Variants in SORL1 observed in about 807,000 individuals in gnomAD.
SORL1 encodes the protein sortilin related receptor 1.
SORL1 carries 127 observed loss-of-function variants against 273.7 expected under a neutral mutation model. That is an observed-to-expected ratio of 0.46 (90% CI 0.40 to 0.54). SORL1 has a LOEUF of 0.54. Ranked by LOEUF, SORL1 falls within the 20% of genes least tolerant of loss-of-function variation. The pLI, the probability that SORL1 is intolerant of heterozygous loss-of-function variation, is 0.00. For missense variants in SORL1, 2,494 were observed against 2,846.1 expected (o/e 0.88, Z 2.81); for synonymous variants, 1,031 against 1,067.4 (o/e 0.97, Z 0.66).
chr11:121,524,963 C>T (rs1291317791), intron 11 of SORL1, among the ~76,000 whole-genome samples: 1 of 151,594 alleles, frequency 6.6e-6, no homozygotes, highest in African/African-American at 2.4e-5. Context: ...TAGCTTTTTT[C>T]TGTAACAAAT....
rs1297072035 is a variant in SORL1 at position 121,611,118 on chromosome 11, A to G, written c.5282A>G (p.Asn1761Ser). ...PDIHIDSYGE[N>S]YLSFTLTMES... Reference sequence around the variant, plus strand: ...ATCCACATTGACAGCTATGGTGAAAATTATCTAAGCTTCACCCTGACCATG... The same window carrying G: ...ATCCACATTGACAGCTATGGTGAAAGTTATCTAAGCTTCACCCTGACCATG... Residue 1761 changes from asparagine to serine, a missense_variant, in exon 39 of 48, where the codon AAT becomes AGT. Asn to Ser is a conservative substitution (Grantham distance 46). Coordinates refer to ENST00000260197, the MANE Select transcript of SORL1 (RefSeq NM_003105.6). 1.9e-6 allele frequency: 3 copies of G among 1,613,758 alleles called. No individual in the cohort carries two copies. The highest frequency in any genetic ancestry group is 2.5e-6 in the Non-Finnish European group (3 of 1,179,662).
intron 1 of SORL1, among the ~76,000 whole-genome samples, chr11:121,455,696 A>T (rs1215710688): frequency 6.6e-6 from 1 of 152,246 alleles, no homozygotes; most frequent in African/African-American, 2.4e-5. Context: ...TTGCTGGCAG[A>T]TATCAGGACT....
chr11:121,581,054 A>G (rs1025091203), intron 25 of SORL1, among the ~76,000 whole-genome samples: 3 of 151,938 alleles, frequency 2.0e-5, no homozygotes, highest in African/African-American at 7.3e-5. Context: ...CTGGGACTAC[A>G]GATGTGTGCC....
At chr11:121,507,462 C>CT (rs1235915413) in intron 6 of SORL1, among the ~76,000 whole-genome samples, 4 of 151,830 alleles carry the variant, frequency 2.6e-5, no homozygotes, top group Non-Finnish European at 4.4e-5. Flanking sequence ...TTTTAACATT[C>CT]TTTTTTTTGT....
chr11:121,474,823 A>G (rs1001760126), intron 2 of SORL1, among the ~76,000 whole-genome samples: 3 of 152,268 alleles, frequency 2.0e-5, no homozygotes, highest in African/African-American at 4.8e-5. Context: ...GGGTGGAGCC[A>G]CCAATCCGCT....
chr11:121,606,123 G>A (rs750465470), intron 35 of SORL1, among the ~76,000 whole-genome samples: 32 of 152,100 alleles, frequency 2.1e-4, no homozygotes, highest in African/African-American at 7.2e-4. Flanking sequence ...GGGTTTTGCC[G>A]TGTTACCTAG....
chr11:121,496,848 C>CTTTTT, intron 5 of SORL1, 21 bp from the exon 6 acceptor site: 4 of 1,301,070 alleles, frequency 3.1e-6, no homozygotes, highest in Non-Finnish European at 3.2e-6. Context: ...TGATAACAAC[C>CTTTTT]TTTTTTTTTT....
intron 37 of SORL1, 28 bp downstream of exon 37, chr11:121,607,318 C>T (rs1159408520): frequency 7.6e-7 from 1 of 1,317,890 alleles, no homozygotes; most frequent in African/African-American, 1.4e-5. Flanking sequence ...TTCCAGCCAT[C>T]CATGCAGTCT....
At chr11:121,480,777 C>T (rs1861363990) in intron 3 of SORL1, among the ~76,000 whole-genome samples, 1 of 143,392 alleles carries the variant, frequency 7.0e-6, no homozygotes, top group East Asian at 2.2e-4. Context: ...CCCAGCTCCT[C>T]CCCTAGTGCA....
chr11:121,506,488 A>T (rs923368283), intron 6 of SORL1, among the ~76,000 whole-genome samples: 1 of 152,176 alleles, frequency 6.6e-6, no homozygotes, highest in Admixed American at 6.5e-5. Flanking sequence ...CCTTTTTAAA[A>T]CCATCAGATC....
intron 23 of SORL1, among the ~76,000 whole-genome samples, chr11:121,570,653 A>G (rs543650251): frequency 6.6e-6 from 1 of 152,268 alleles, no homozygotes; most frequent in South Asian, 2.1e-4. Flanking sequence ...GAAATTCAAT[A>G]TTCAGCCTTT....
intron 11 of SORL1, among the ~76,000 whole-genome samples, chr11:121,531,559 A>G (rs1439432837): frequency 6.6e-6 from 1 of 152,180 alleles, no homozygotes; most frequent in East Asian, 1.9e-4. Context: ...AAATTCATGA[A>G]ATTAAGCCTT....
chr11:121,452,697 C>A lies in SORL1; in HGVS notation c.285+81C>A. On this transcript the variant is annotated intron_variant, in intron 1 of 47. Coordinates refer to ENST00000260197, the MANE Select transcript of SORL1 (RefSeq NM_003105.6). This position sits in a 1 kb window ranked among gnomAD's most constrained non-coding sequence, Gnocchi z 5.3. ...CACCCCCGCATCCATCCGTTGCAGT[C>A]GCCTCCTAGGTGCAGGCACCACTGG... 1.6e-6 allele frequency: 2 copies of A among 1,285,826 alleles called. No individual in the cohort carries two copies. The highest frequency in any genetic ancestry group is 3.1e-5 in the East Asian group (1 of 31,978). 79.7% of individuals were successfully genotyped at this position (1,285,826 alleles called of 1,614,324 possible).
intron 6 of SORL1, among the ~76,000 whole-genome samples, chr11:121,507,323 T>C (rs369298889): frequency 1.1e-4 from 16 of 152,202 alleles, no homozygotes; most frequent in African/African-American, 3.9e-4. Context: ...TTTTATCAAA[T>C]TTGGGGAGTT....
At chr11:121,567,929 A>G (rs1426348262) in intron 22 of SORL1, among the ~76,000 whole-genome samples, 1 of 152,150 alleles carries the variant, frequency 6.6e-6, no homozygotes, top group East Asian at 1.9e-4. Context: ...AGAAAGAGAC[A>G]GGGTCTTGCT....
At chr11:121,583,311 A>G in intron 25 of SORL1, 147 bp from the exon 26 acceptor site, 4 of 923,348 alleles carry the variant, frequency 4.3e-6, no homozygotes, top group Non-Finnish European at 6.0e-6. Context: ...CAAGTGCCCA[A>G]TTCTCAGCCA....
rs148380810 is a variant in SORL1, at chr11:121,488,174, G to C, written c.671G>C (p.Arg224Thr). The C allele has an allele frequency of 1.5e-5, 25 of 1,614,012 alleles. No individual in the cohort carries two copies. Among genetic ancestry groups the C allele is most frequent in the Non-Finnish European group, 2.1e-5 (25 of 1,179,986 alleles). Reference sequence around the variant, plus strand: ...TCCAACCTTCTCTTGGGCTTTGACAGGTCCCACCCCAACAAGCAGGTAAGA... The same window carrying C: ...TCCAACCTTCTCTTGGGCTTTGACACGTCCCACCCCAACAAGCAGGTAAGA... Reference protein sequence around the residue: ...KASNLLLGFDRSHPNKQLWKS... With the variant: ...KASNLLLGFDTSHPNKQLWKS... The change falls in exon 4 of 48, where the codon AGG becomes ACG. Residue 224 changes from arginine (R) to threonine (T), a missense_variant. Physicochemically the swap from Arg to Thr is moderately conservative, Grantham distance 71 (BLOSUM62 -1). Transcript: ENST00000260197.
chr11:121,557,223 C>T, intron 18 of SORL1, 91 bp from the exon 19 acceptor site: 3 of 928,010 alleles, frequency 3.2e-6, no homozygotes, highest in Admixed American at 3.4e-5. Flanking sequence ...GGGGGCATGT[C>T]TGTAGCAGAA....
intron 11 of SORL1, among the ~76,000 whole-genome samples, chr11:121,523,517 A>G (rs1862072860): frequency 6.6e-6 from 1 of 152,078 alleles, no homozygotes; most frequent in Non-Finnish European, 1.5e-5. Flanking sequence ...ACTAATATCG[A>G]TGCTGATTAT....
Sources: allele counts gnomAD v4.1 joint callset (sites outside exome capture counted in the v4.1 genomes callset), GRCh38; gene constraint gnomAD v4.1.1; non-coding constraint Gnocchi (gnomAD v3.1); transcripts MANE v1.5; gene names NCBI Gene and HGNC (gene_info 2026-07-23, HGNC 2026-07-21).